The following TBX15 variants were observed in gnomAD, a reference collection of about 807,000 sequenced individuals.
The protein encoded by TBX15 is T-box transcription factor 15.
In TBX15, 18 loss-of-function variants were observed where a neutral mutation model predicts 53.9. The observed-to-expected ratio is 0.33, with a 90% CI of 0.23 to 0.49. The LOEUF (loss-of-function observed/expected upper bound fraction) is 0.49, where lower values mean the gene tolerates loss of function less well. Ranked by LOEUF, TBX15 falls within the 20% of genes least tolerant of loss-of-function variation. TBX15 has a pLI of 0.98. For synonymous variants in TBX15, 295 were observed against 278.0 expected (o/e 1.06, Z -0.61); for missense variants, 692 against 749.5 (o/e 0.92, Z 0.90).
At chr1:118,906,475 C>T (rs1654830983) in intron 6 of TBX15, among the ~76,000 whole-genome samples, 2 of 152,140 alleles carry the variant, frequency 1.3e-5, no homozygotes, top group Admixed American at 1.3e-4. Context: ...CCTCATCTTA[C>T]ATTCCACCTT....
chr1:118,984,546 G>A (rs1053334193), intron 1 of TBX15, among the ~76,000 whole-genome samples: 15 of 152,238 alleles, frequency 9.9e-5, no homozygotes, highest in African/African-American at 3.4e-4. Context: ...AGCCGGAGCA[G>A]CTGTTCCAGC....
upstream of TBX15, among the ~76,000 whole-genome samples, chr1:118,988,705 A>G (rs1309015621): frequency 1.1e-4 from 16 of 152,192 alleles, no homozygotes; most frequent in Admixed American, 1.0e-3. Context: ...GCTCTGACAA[A>G]ATGTTAACCT....
intron 1 of TBX15, among the ~76,000 whole-genome samples, chr1:118,944,351 G>A (rs1020773107): frequency 1.3e-5 from 2 of 152,126 alleles, no homozygotes; most frequent in East Asian, 1.9e-4. Context: ...TTTGGGAATC[G>A]CAAAGTGAAC....
At chr1:118,890,827 C>T (rs1234549785) in intron 7 of TBX15, 3 of 1,239,036 alleles carry the variant, frequency 2.4e-6, no homozygotes, top group Non-Finnish European at 3.2e-6. Flanking sequence ...AAGGCAAAAC[C>T]CCATCTAGGC....
At chr1:118,964,487 G>A (rs1438335126) in intron 1 of TBX15, among the ~76,000 whole-genome samples, 1 of 152,214 alleles carries the variant, frequency 6.6e-6, no homozygotes, top group African/African-American at 2.4e-5. Flanking sequence ...AAGGATTAGA[G>A]TCACAATTCA....
chr1:118,922,312 C>T (rs151046372), intron 5 of TBX15, among the ~76,000 whole-genome samples: 16 of 152,250 alleles, frequency 1.1e-4, no homozygotes, highest in Admixed American at 3.3e-4. Flanking sequence ...CATTGCAGCT[C>T]CTCCAATTTC....
intron 6 of TBX15, among the ~76,000 whole-genome samples, chr1:118,904,972 T>C (rs1557877713): frequency 6.6e-6 from 1 of 152,166 alleles, no homozygotes; most frequent in Non-Finnish European, 1.5e-5. Context: ...TACTTCCTCC[T>C]AACTGTGATT....
rs1654290623 is a variant in TBX15 at position 118,893,618 on chromosome 1, AG to A, written c.1024+5409del. Among the ~76,000 whole-genome samples, 3 of 122,130 alleles carry A rather than the reference AG, an allele frequency of 2.5e-5. 1 individual carries two copies. The highest frequency in any genetic ancestry group is 7.7e-5 in the African/African-American group (3 of 38,738). 80.1% of individuals were successfully genotyped at this position (122,130 alleles called of 152,430 possible). On this transcript the variant is annotated intron_variant, in intron 7 of 7. Coordinates refer to ENST00000369429, the MANE Select transcript of TBX15 (RefSeq NM_001330677.2). ...AGGAAGGAAAGAAAGAAAGAAAGAG[AG>A]AGAGAAAGAAAAAGAAAGAAAGAAA... is the stretch of plus-strand genomic sequence containing the variant.
chr1:118,965,825 C>T (rs1045659584), intron 1 of TBX15, among the ~76,000 whole-genome samples: 25 of 152,246 alleles, frequency 1.6e-4, no homozygotes, highest in African/African-American at 5.8e-4. Flanking sequence ...GTCTAAAGTA[C>T]TATATATATT....
rs1188839376 is a variant in TBX15, at chr1:118,885,192, A to C, written c.1349T>G (p.Ile450Arg). Residue 450 changes from isoleucine (I) to arginine (R), a missense_variant, in exon 8 of 8, where the codon ATA becomes AGA. Ile to Arg is a moderately conservative substitution (Grantham distance 97, BLOSUM62 -3). Coordinates refer to ENST00000369429, the MANE Select transcript of TBX15 (RefSeq NM_001330677.2). ...GCCAGGCAACGAGGGAGGAGTTGGTATTCCTGAGATCAGGGATGGAGTCCT... is the reference window on the plus strand; with the variant it reads ...GCCAGGCAACGAGGGAGGAGTTGGTCTTCCTGAGATCAGGGATGGAGTCCT... ...PQRTPSLISG[I>R]PTPPSLPGNS... 1.9e-6 allele frequency: 3 copies of C among 1,614,042 alleles called. No individual in the cohort carries two copies. In the African/African-American group the frequency reaches 4.0e-5, roughly 22 times the overall value.
intron 1 of TBX15, among the ~76,000 whole-genome samples, chr1:118,962,723 C>T (rs1194697378): frequency 2.0e-5 from 3 of 152,206 alleles, no homozygotes; most frequent in Non-Finnish European, 4.4e-5. Flanking sequence ...ACAGTTTCCT[C>T]ACTGTATCGG....
At chr1:118,931,979 A>G (rs1005623507) in intron 1 of TBX15, 147 bp from the exon 2 acceptor site, 2 of 692,020 alleles carry the variant, frequency 2.9e-6, no homozygotes, top group Non-Finnish European at 2.4e-6. Flanking sequence ...AGAGCACAGC[A>G]CTCAGGGTAT....
intron 1 of TBX15, among the ~76,000 whole-genome samples, chr1:118,976,846 T>A (rs1657450966): frequency 6.6e-6 from 1 of 152,170 alleles, no homozygotes; most frequent in Non-Finnish European, 1.5e-5. Context: ...TCCCACACAT[T>A]CCATTTAAAG....
chr1:118,892,465 G>A (rs758487207), intron 7 of TBX15, among the ~76,000 whole-genome samples: 2 of 152,136 alleles, frequency 1.3e-5, no homozygotes, highest in African/African-American at 2.4e-5. Context: ...CAAATGGTAA[G>A]AAGATAAAAG....
At chr1:118,889,739 G>T (rs978574775) in intron 7 of TBX15, among the ~76,000 whole-genome samples, 1 of 152,026 alleles carries the variant, frequency 6.6e-6, no homozygotes, top group Non-Finnish European at 1.5e-5. Flanking sequence ...TGAGAAATAG[G>T]TAAGATATAA....
intron 1 of TBX15, among the ~76,000 whole-genome samples, chr1:118,985,620 A>G (rs766429208): frequency 2.6e-5 from 4 of 152,256 alleles, no homozygotes; most frequent in Non-Finnish European, 4.4e-5. Context: ...AGAAAGCCAG[A>G]GGGTGCTGGG....
At chr1:118,885,600 G>A in intron 7 of TBX15, 84 bp from the exon 8 acceptor site, 1 of 1,504,534 alleles carries the variant, frequency 6.6e-7, no homozygotes, top group Non-Finnish European at 9.0e-7. Flanking sequence ...TACAGGAGGT[G>A]CCTTCAAATG....
chr1:118,964,647 A>G (rs1571209978), intron 1 of TBX15, among the ~76,000 whole-genome samples: 1 of 152,340 alleles, frequency 6.6e-6, no homozygotes, highest in East Asian at 1.9e-4. Context: ...TTCAATAAAT[A>G]GTTGTCAAAT....
intron 7 of TBX15, among the ~76,000 whole-genome samples, chr1:118,897,186 C>T (rs1260931172): frequency 6.6e-6 from 1 of 152,132 alleles, no homozygotes; most frequent in Non-Finnish European, 1.5e-5. Context: ...CTGTGCCTGC[C>T]CAATGGCGTC....
Sources: allele counts gnomAD v4.1 joint callset (sites outside exome capture counted in the v4.1 genomes callset), GRCh38; gene constraint gnomAD v4.1.1; transcripts MANE v1.5; gene names NCBI Gene and HGNC (gene_info 2026-07-23, HGNC 2026-07-21).